ZPBP: variants seen among roughly 807,000 people sequenced by gnomAD.
ZPBP encodes zona pellucida-binding protein 1.
A neutral mutation model predicts 44.8 loss-of-function variants in ZPBP; 26 were observed. The ratio of observed to expected loss-of-function variants is 0.58; its 90% CI spans 0.43 to 0.81. ZPBP has a LOEUF of 0.81. ZPBP is among the 30% of genes least tolerant of loss of function. The pLI is 0.00. For missense variants in ZPBP, 409 were observed against 434.0 expected (o/e 0.94, Z 0.51); for synonymous variants, 174 against 153.2 (o/e 1.14, Z -1.00).
intron 5 of ZPBP, among the ~76,000 whole-genome samples, chr7:50,025,870 C>T (rs1562854022): frequency 2.0e-5 from 3 of 151,776 alleles, no homozygotes; most frequent in South Asian, 4.1e-4. Flanking sequence ...TAAGTCCTCC[C>T]TTATCAGTAA....
At chr7:50,081,628 C>T in intron 3 of ZPBP, 146 bp downstream of exon 3, 3 of 971,654 alleles carry the variant, frequency 3.1e-6, no homozygotes, top group Non-Finnish European at 4.6e-6. Flanking sequence ...ACACTATCTA[C>T]ATTGTTAGCT....
At chr7:49,897,524 G>A (rs1032932014) in intron 2 of ZPBP, among the ~76,000 whole-genome samples, 8 of 152,196 alleles carry the variant, frequency 5.3e-5, no homozygotes, top group Non-Finnish European at 1.2e-4. Flanking sequence ...AGTCTGGCAT[G>A]TAGAAGCTTG....
chr7:49,842,245 A>G, the ZPBP span, among the ~76,000 whole-genome samples: 1 of 152,236 alleles, frequency 6.6e-6, no homozygotes, highest in African/African-American at 2.4e-5. Flanking sequence ...GTGGATATGC[A>G]TGAACTAGTA....
intron 2 of ZPBP, among the ~76,000 whole-genome samples, chr7:49,851,805 G>A (rs1790189269): frequency 6.6e-6 from 1 of 151,840 alleles, no homozygotes; most frequent in Non-Finnish European, 1.5e-5. Flanking sequence ...TTGCAGAGCC[G>A]AGCTTGCGCC....
At chr7:49,841,410 G>T in the ZPBP span, among the ~76,000 whole-genome samples, 1 of 152,072 alleles carries the variant, frequency 6.6e-6, no homozygotes, top group African/African-American at 2.4e-5. Context: ...ATTTCATAGT[G>T]GAGGAATTAA....
At chr7:50,057,901 A>G (rs1801044789) in intron 4 of ZPBP, 88 bp downstream of exon 4, 1 of 1,245,902 alleles carries the variant, frequency 8.0e-7, no homozygotes, top group Non-Finnish European at 1.1e-6. Context: ...AAAAATAACA[A>G]AGTCCCTTTA....
intron 2 of ZPBP, among the ~76,000 whole-genome samples, chr7:49,877,487 T>A (rs4917097): frequency 0.038 from 702 of 18,626 alleles, 178 homozygotes; most frequent in African/African-American, 0.13. Context: ...AAAAAATATA[T>A]ATATATATAT....
At chr7:50,003,992 C>T (rs1798199357) in intron 6 of ZPBP, among the ~76,000 whole-genome samples, 1 of 151,924 alleles carries the variant, frequency 6.6e-6, no homozygotes, top group East Asian at 1.9e-4. Context: ...AGTTTATGAA[C>T]AAAATTAGAA....
rs1204397071 is a variant in ZPBP at position 49,872,918 on chromosome 7, A to G, written n.510-22404T>C. ...GAGACAGAGCAAGACTTTGTCTCAA[A>G]AAAAAAAAAAAAAAAAAAAGAAAGA... On this transcript the variant is annotated intron_variant and non_coding_transcript_variant, in intron 2 of 2. Transcript: ENST00000465922. Among the ~76,000 whole-genome samples the G allele has an allele frequency of 1.0e-3, 153 of 147,354 alleles. 1 individual carries two copies. Among genetic ancestry groups the G allele is most frequent in the African/African-American group, 3.7e-3 (149 of 40,278 alleles).
chr7:49,941,297 C>G (rs1251528149), intron 7 of ZPBP, among the ~76,000 whole-genome samples: 2 of 152,014 alleles, frequency 1.3e-5, no homozygotes, highest in African/African-American at 4.8e-5. Flanking sequence ...GGGTATATAT[C>G]CAAAAGTATT....
chr7:50,050,930 A>G (rs1800662813), intron 4 of ZPBP, among the ~76,000 whole-genome samples: 1 of 152,122 alleles, frequency 6.6e-6, no homozygotes, highest in East Asian at 1.9e-4. Flanking sequence ...GCAAAAATTG[A>G]CAAATGGGAT....
chr7:49,968,731 G>T (rs557269595), intron 7 of ZPBP, among the ~76,000 whole-genome samples: 1 of 151,856 alleles, frequency 6.6e-6, no homozygotes, highest in East Asian at 1.9e-4. Context: ...AAGATGACTT[G>T]CAATTACACT....
intron 3 of ZPBP, among the ~76,000 whole-genome samples, chr7:50,062,297 A>C (rs562728283): frequency 6.6e-6 from 1 of 152,290 alleles, no homozygotes; most frequent in South Asian, 2.1e-4. Flanking sequence ...TTACCAGTGA[A>C]ATTTTTCATA....
intron 3 of ZPBP, among the ~76,000 whole-genome samples, chr7:50,065,454 A>G (rs976581087): frequency 6.6e-6 from 1 of 150,874 alleles, no homozygotes; most frequent in Admixed American, 6.6e-5. Flanking sequence ...TTATTATAAT[A>G]TTGTTGCCTT....
chr7:49,938,966 G>T (rs1173323668), intron 7 of ZPBP, among the ~76,000 whole-genome samples: 2 of 152,076 alleles, frequency 1.3e-5, no homozygotes, highest in Non-Finnish European at 2.9e-5. Flanking sequence ...ATGTTCCAAA[G>T]AGTTCCTCAG....
At chr7:50,015,327 TTG>T (rs1172168308) in intron 6 of ZPBP, among the ~76,000 whole-genome samples, 2 of 152,150 alleles carry the variant, frequency 1.3e-5, no homozygotes, top group Non-Finnish European at 2.9e-5. Context: ...AAAAATTATT[TTG>T]TGTTTCTATA....
At chr7:49,851,743 A>G (rs1208689650) in intron 2 of ZPBP, among the ~76,000 whole-genome samples, 1 of 152,074 alleles carries the variant, frequency 6.6e-6, no homozygotes, top group African/African-American at 2.4e-5. Flanking sequence ...CTATAATCCC[A>G]GCTACTTGGG....
At chr7:50,076,477 C>A (rs1802086643) in intron 3 of ZPBP, among the ~76,000 whole-genome samples, 1 of 151,814 alleles carries the variant, frequency 6.6e-6, no homozygotes, top group South Asian at 2.1e-4. Flanking sequence ...TTAAATTATC[C>A]TTGTTTGCTG....
At chr7:49,937,269 T>G (rs1352785311), downstream of ZPBP, among the ~76,000 whole-genome samples, 1 of 152,196 alleles carries the variant, frequency 6.6e-6, no homozygotes, top group East Asian at 1.9e-4. Context: ...TGGGCTAACC[T>G]GAAAACAGTA....
Sources: allele counts gnomAD v4.1 joint callset (sites outside exome capture counted in the v4.1 genomes callset), GRCh38; gene constraint gnomAD v4.1.1; transcripts MANE v1.5; gene names NCBI Gene and HGNC (gene_info 2026-07-23, HGNC 2026-07-21).